Variants in HNRNPC observed in about 807,000 individuals in gnomAD.
The protein encoded by HNRNPC is heterogeneous nuclear ribonucleoproteins C1/C2.
A neutral mutation model predicts 33.2 loss-of-function variants in HNRNPC; 3 were observed. The observed-to-expected ratio is 0.09, with a 90% confidence interval of 0.04 to 0.23. The LOEUF is 0.23. Ranked by LOEUF, HNRNPC falls within the 10% of genes least tolerant of loss-of-function variation. The pLI is 1.00. For synonymous variants in HNRNPC, 121 were observed against 126.7 expected, an observed-to-expected ratio of 0.96 and a Z score of 0.30; for missense variants, 143 against 366.7, an observed-to-expected ratio of 0.39 and a Z score of 4.98.
At chr14:21,255,815 T>C (rs1309177375) in intron 2 of HNRNPC, among the ~76,000 whole-genome samples, 1 of 152,216 alleles carries the variant, frequency 6.6e-6, no homozygotes, top group Admixed American at 6.5e-5. Flanking sequence ...AATTCTACAG[T>C]TGGTGATAAG....
intron 2 of HNRNPC, among the ~76,000 whole-genome samples, chr14:21,241,655 C>G (rs1016485215): frequency 5.3e-5 from 8 of 152,194 alleles, no homozygotes; most frequent in African/African-American, 1.9e-4. Flanking sequence ...TTTTTGTACC[C>G]TGCTTCCTAT....
chr14:21,227,650 T>C (rs1426501244), intron 5 of HNRNPC, among the ~76,000 whole-genome samples: 1 of 152,214 alleles, frequency 6.6e-6, no homozygotes, highest in Non-Finnish European at 1.5e-5. Context: ...GCAAACGTGA[T>C]TTCTTTAGAT....
rs1288989004 is a variant in HNRNPC, at chr14:21,230,330, G to C, written c.354C>G (p.Asp118Glu). The change falls in exon 5 of 9, where the codon GAC becomes GAG. Residue 118 changes from aspartate (D) to glutamate (E), a missense_variant. Transcript: ENST00000553300. The stretch of plus-strand genomic sequence containing the variant: ...ACATTTTAACATACCTATCATAATA[G>C]TCCCGTTGAAAGTCATAGTCCAAGT... ...SFDLDYDFQR[D>E]YYDRMYSYPA... is the part of the protein sequence containing the mutation. 6.2e-7 allele frequency: 1 copy of C among 1,606,630 alleles called. No individual in the cohort carries two copies. Among genetic ancestry groups the C allele is most frequent in the Non-Finnish European group, 8.5e-7 (1 of 1,173,852 alleles).
intron 5 of HNRNPC, among the ~76,000 whole-genome samples, chr14:21,219,209 AC>A (rs1363075034): frequency 1.3e-5 from 2 of 152,180 alleles, no homozygotes; most frequent in African/African-American, 4.8e-5. Flanking sequence ...TCTTTCACTT[AC>A]AATAAAATTC....
chr14:21,216,939 C>T (rs1294026458), intron 5 of HNRNPC, among the ~76,000 whole-genome samples: 3 of 152,124 alleles, frequency 2.0e-5, no homozygotes, highest in Non-Finnish European at 4.4e-5. Flanking sequence ...TAGCTAGTTC[C>T]GTACTATCAC....
chr14:21,230,205 G>T (rs1480564869), intron 5 of HNRNPC, 114 bp downstream of exon 5: 2 of 633,002 alleles, frequency 3.2e-6, no homozygotes, highest in African/African-American at 1.9e-5. Flanking sequence ...TTTTGTTTTG[G>T]AGTTAGGGGA....
intron 2 of HNRNPC, among the ~76,000 whole-genome samples, chr14:21,252,371 C>T (rs1366185829): frequency 6.6e-6 from 1 of 152,130 alleles, no homozygotes; most frequent in Non-Finnish European, 1.5e-5. Flanking sequence ...AGTGCAGTGG[C>T]AGTATCTTGG....
intron 2 of HNRNPC, among the ~76,000 whole-genome samples, chr14:21,241,878 A>C (rs1895387825): frequency 6.6e-6 from 1 of 152,192 alleles, no homozygotes. Flanking sequence ...TGAAGAAACA[A>C]AGTTGGCTAC....
intron 2 of HNRNPC, among the ~76,000 whole-genome samples, chr14:21,239,676 C>A (rs561909165): frequency 6.6e-6 from 1 of 152,238 alleles, no homozygotes; most frequent in African/African-American, 2.4e-5. Flanking sequence ...GAGTTCGAGA[C>A]CAGCCTGGGC....
intron 1 of HNRNPC, among the ~76,000 whole-genome samples, chr14:21,266,000 T>C (rs201180172): frequency 2.0e-5 from 3 of 152,330 alleles, no homozygotes; most frequent in East Asian, 3.9e-4. Flanking sequence ...GTAGAGATCA[T>C]AGCAATCTGT....
At chr14:21,212,590 T>A (rs1891737268) in intron 6 of HNRNPC, among the ~76,000 whole-genome samples, 2 of 151,970 alleles carry the variant, frequency 1.3e-5, no homozygotes, top group African/African-American at 4.8e-5. Flanking sequence ...TCACCCAGGC[T>A]GGAGTGCAAT....
chr14:21,216,450 G>A (rs568520520), intron 5 of HNRNPC, among the ~76,000 whole-genome samples: 7 of 152,318 alleles, frequency 4.6e-5, no homozygotes, highest in Admixed American at 2.6e-4. Flanking sequence ...GCTCACACCT[G>A]TAATCCCAGC....
intron 5 of HNRNPC, among the ~76,000 whole-genome samples, chr14:21,213,630 T>C (rs1205763144): frequency 1.3e-5 from 2 of 152,200 alleles, no homozygotes; most frequent in African/African-American, 4.8e-5. Context: ...ACTAGTGATA[T>C]AAGGTTGAAC....
At chr14:21,248,558 A>G (rs1393547592) in intron 2 of HNRNPC, among the ~76,000 whole-genome samples, 3 of 152,224 alleles carry the variant, frequency 2.0e-5, no homozygotes, top group Admixed American at 1.3e-4. Flanking sequence ...TGCTACTGTT[A>G]TCATTTACTG....
chr14:21,236,904 G>A (rs1285566044), intron 2 of HNRNPC, among the ~76,000 whole-genome samples: 1 of 152,168 alleles, frequency 6.6e-6, no homozygotes, highest in Non-Finnish European at 1.5e-5. Flanking sequence ...ATGCAAGGCA[G>A]TAAAGGCAAG....
intron 2 of HNRNPC, among the ~76,000 whole-genome samples, chr14:21,239,402 C>T (rs556389997): frequency 1.8e-4 from 27 of 151,896 alleles, no homozygotes; most frequent in African/African-American, 6.5e-4. Flanking sequence ...AATGCTTGAA[C>T]CTTGGAGGCA....
At chr14:21,266,237 G>A (rs1458784158) in intron 1 of HNRNPC, among the ~76,000 whole-genome samples, 2 of 152,064 alleles carry the variant, frequency 1.3e-5, no homozygotes, top group Non-Finnish European at 2.9e-5. Flanking sequence ...CGAGTAGCTG[G>A]GACTACAGGC....
intron 5 of HNRNPC, among the ~76,000 whole-genome samples, chr14:21,228,295 T>A (rs531431255): frequency 6.6e-6 from 1 of 152,210 alleles, no homozygotes; most frequent in Non-Finnish European, 1.5e-5. Flanking sequence ...AAGGTCTGAT[T>A]GCAAAAATTC....
intron 2 of HNRNPC, among the ~76,000 whole-genome samples, chr14:21,254,883 T>C (rs1455098238): frequency 1.3e-5 from 2 of 151,058 alleles, no homozygotes; most frequent in African/African-American, 4.9e-5. Context: ...GATCGTGCCA[T>C]TGCACTCCAG....
Sources: gnomAD v4.1 joint callset for allele counts (sites outside exome capture counted in the v4.1 genomes callset) on GRCh38, gnomAD v4.1.1 for gene constraint, MANE v1.5 for transcripts, NCBI Gene and HGNC (gene_info 2026-07-23, HGNC 2026-07-21) for gene names.